PDCL2: variants seen among roughly 807,000 people sequenced by gnomAD.
The protein encoded by PDCL2 is phosducin like 2, also known as phosducin-like protein 2.
A neutral mutation model predicts 30.3 loss-of-function variants in PDCL2; 23 were observed. That is an observed-to-expected ratio of 0.76 (90% CI 0.55 to 1.08). The LOEUF (loss-of-function observed/expected upper bound fraction) is 1.08, where lower values mean the gene tolerates loss of function less well. Among genes scored for constraint, PDCL2 ranks in the 50% least tolerant of loss-of-function variants. The pLI is 0.00. For missense variants in PDCL2, 243 were observed against 282.3 expected (o/e 0.86, Z 1.00); for synonymous variants, 68 against 86.2 (o/e 0.79, Z 1.17).
intron 1 of PDCL2, among the ~76,000 whole-genome samples, chr4:55,589,568 C>A (rs1482154976): frequency 6.6e-6 from 1 of 152,180 alleles, no homozygotes; most frequent in Non-Finnish European, 1.5e-5. Context: ...TCCCTGAATT[C>A]TCCTAGACAT....
In PDCL2 at chr4:55,577,059, A is replaced by G. The variant is rs561094396; in HGVS notation, c.218+3762T>C. On this transcript the variant is annotated intron_variant, in intron 3 of 5. Coordinates refer to ENST00000295645, the MANE Select transcript of PDCL2 (RefSeq NM_152401.3). ...ATTACAGGTACAGGCCACTACACCC[A>G]ACTAATTTTTGTATTTTAGTAGAAA... 5.9e-5 allele frequency among the ~76,000 whole-genome samples: 9 copies of G among 152,190 alleles called. No individual in the cohort carries two copies. In the East Asian group the frequency reaches 1.7e-3, roughly 29 times the overall value.
chr4:55,582,380 T>A, intron 1 of PDCL2, 143 bp from the exon 2 acceptor site: 1 of 928,066 alleles, frequency 1.1e-6, no homozygotes, highest in Non-Finnish European at 1.5e-6. Context: ...TAAAGCAAAG[T>A]GACCTACTTT....
chr4:55,580,557 A>G (rs1732682281), intron 3 of PDCL2, among the ~76,000 whole-genome samples: 1 of 152,226 alleles, frequency 6.6e-6, no homozygotes, highest in Admixed American at 6.5e-5. Context: ...TCTTATTGCT[A>G]TTTTCCACTT....
rs189641259 is a variant in PDCL2 at position 55,580,035 on chromosome 4, C to T, written c.218+786G>A. 6.2e-3 allele frequency among the ~76,000 whole-genome samples: 936 copies of T among 151,524 alleles called. 4 individuals are homozygous for T. The highest frequency in any genetic ancestry group is 8.4e-3 in the Non-Finnish European group (567 of 67,858). On this transcript the variant is annotated intron_variant, in intron 3 of 5. Transcript: ENST00000295645. Reference sequence around the variant, plus strand: ...GCTAACTTTGTATTTTTAGTAGAGACGGGGTTTCTGCATGTTGGTCAGGCT... The same window carrying T: ...GCTAACTTTGTATTTTTAGTAGAGATGGGGTTTCTGCATGTTGGTCAGGCT...
intron 3 of PDCL2, among the ~76,000 whole-genome samples, chr4:55,577,707 C>T (rs1273308346): frequency 2.6e-5 from 4 of 152,258 alleles, no homozygotes; most frequent in Admixed American, 6.5e-5. Flanking sequence ...TTTATAACTT[C>T]TATTTCTTTA....
At chr4:55,583,478 T>C (rs912842793) in intron 1 of PDCL2, among the ~76,000 whole-genome samples, 8 of 152,192 alleles carry the variant, frequency 5.3e-5, no homozygotes, top group African/African-American at 1.9e-4. Context: ...AATCCAAAAA[T>C]TCACTGCTTG....
intron 3 of PDCL2, among the ~76,000 whole-genome samples, chr4:55,577,970 T>C (rs1418208891): frequency 6.6e-6 from 1 of 152,208 alleles, no homozygotes; most frequent in Non-Finnish European, 1.5e-5. Flanking sequence ...TCTCCTCCTT[T>C]GCTGGGGTTT....
At chr4:55,585,450 C>G (rs1732834529) in intron 1 of PDCL2, among the ~76,000 whole-genome samples, 1 of 152,028 alleles carries the variant, frequency 6.6e-6, no homozygotes, top group Non-Finnish European at 1.5e-5. Flanking sequence ...ATCACTTGAA[C>G]CCGGGAGGCG....
At chr4:55,576,765 A>G (rs1577913656) in intron 3 of PDCL2, among the ~76,000 whole-genome samples, 1 of 152,366 alleles carries the variant, frequency 6.6e-6, no homozygotes, top group East Asian at 1.9e-4. Flanking sequence ...AAAACACCTA[A>G]GTAGCAGAAG....
chr4:55,572,766 C>CT (rs149571227), intron 3 of PDCL2, among the ~76,000 whole-genome samples: 6,073 of 151,966 alleles, frequency 0.04, 166 homozygotes, highest in South Asian at 0.15. Flanking sequence ...TCTTCTTCTT[C>CT]TTTTTTTTCT....
intron 3 of PDCL2, among the ~76,000 whole-genome samples, chr4:55,575,432 C>G (rs1039464856): frequency 9.9e-5 from 15 of 150,872 alleles, no homozygotes; most frequent in African/African-American, 3.2e-4. Flanking sequence ...TGATATAAAG[C>G]AGACCAACAC....
At chr4:55,583,978 A>G (rs865879272) in intron 1 of PDCL2, among the ~76,000 whole-genome samples, 9 of 152,210 alleles carry the variant, frequency 5.9e-5, no homozygotes, top group Non-Finnish European at 1.0e-4. Flanking sequence ...ACTATATGGA[A>G]TCTACAGATT....
chr4:55,575,917 C>T (rs1482848752), intron 3 of PDCL2, among the ~76,000 whole-genome samples: 1 of 152,018 alleles, frequency 6.6e-6, no homozygotes, highest in Non-Finnish European at 1.5e-5. Flanking sequence ...CTAGACCTGC[C>T]TAAAAAATAT....
intron 1 of PDCL2, among the ~76,000 whole-genome samples, chr4:55,583,742 A>G (rs1732787421): frequency 6.6e-6 from 1 of 152,096 alleles, no homozygotes; most frequent in Non-Finnish European, 1.5e-5. Flanking sequence ...GCATGAGTTC[A>G]TTTTTGAGTT....
rs1282359204 is a variant in PDCL2, at chr4:55,592,204, G to A, written c.-95C>T. ...GCAGCCTTCTCCAGGCTGGAAGAGC[G>A]CCCGCTTCAGGCCCGGCGGTTTCGA... On this transcript the variant is annotated 5_prime_UTR_variant, in exon 1 of 6. Transcript: ENST00000295645. 1.8e-5 allele frequency: 28 copies of A among 1,545,630 alleles called. No homozygotes were observed. Among genetic ancestry groups the A allele is most frequent in the East Asian group, 4.8e-5 (2 of 41,380 alleles).
At chr4:55,572,016 C>T (rs549030866) in intron 3 of PDCL2, among the ~76,000 whole-genome samples, 2 of 152,198 alleles carry the variant, frequency 1.3e-5, no homozygotes, top group East Asian at 1.9e-4. Context: ...AATGATGACA[C>T]CATGCTCTAA....
intron 1 of PDCL2, among the ~76,000 whole-genome samples, chr4:55,588,719 C>G (rs1732924821): frequency 6.6e-6 from 1 of 152,108 alleles, no homozygotes; most frequent in Non-Finnish European, 1.5e-5. Context: ...TTACCCAGCA[C>G]CCTTTATTGA....
chr4:55,574,356 T>C (rs959831108), intron 3 of PDCL2, among the ~76,000 whole-genome samples: 2 of 152,182 alleles, frequency 1.3e-5, no homozygotes, highest in African/African-American at 2.4e-5. Context: ...TGCCCTGCAG[T>C]TGGATTAGGG....
chr4:55,569,061 C>T (rs1237319117), intron 4 of PDCL2, among the ~76,000 whole-genome samples: 1 of 152,094 alleles, frequency 6.6e-6, no homozygotes, highest in Non-Finnish European at 1.5e-5. Context: ...GTTCTAACCA[C>T]CCCTTTGAGT....
Sources: gnomAD v4.1 joint callset for allele counts (sites outside exome capture counted in the v4.1 genomes callset) on GRCh38, gnomAD v4.1.1 for gene constraint, MANE v1.5 for transcripts, NCBI Gene and HGNC (gene_info 2026-07-23, HGNC 2026-07-21) for gene names.